The following NAALADL2 variants were observed in gnomAD, a reference collection of about 807,000 sequenced individuals.
The protein encoded by NAALADL2 is inactive N-acetylated-alpha-linked acidic dipeptidase-like protein 2.
NAALADL2 carries 76 observed loss-of-function variants against 87.2 expected under a neutral mutation model. The ratio of observed to expected loss-of-function variants is 0.87; its 90% CI spans 0.72 to 1.05. NAALADL2 has a LOEUF of 1.05. Among genes scored for constraint, NAALADL2 ranks in the 50% least tolerant of loss-of-function variants. The pLI is 0.00. For synonymous variants in NAALADL2, 354 were observed against 331.0 expected (o/e 1.07, Z -0.75); for missense variants, 1,089 against 945.8 (o/e 1.15, Z -1.99).
intron 1 of NAALADL2, among the ~76,000 whole-genome samples, chr3:175,066,979 T>C (rs1197650451): frequency 1.3e-5 from 2 of 152,176 alleles, no homozygotes; most frequent in Non-Finnish European, 2.9e-5. Context: ...TTCCCTTTGA[T>C]TTTTAAAGTT....
intron 5 of NAALADL2, among the ~76,000 whole-genome samples, chr3:175,356,093 C>T (rs535774106): frequency 4.6e-5 from 7 of 152,116 alleles, no homozygotes; most frequent in African/African-American, 1.2e-4. Context: ...CCTTGGAAAC[C>T]GAGGAAGAAG....
intron 1 of NAALADL2, among the ~76,000 whole-genome samples, chr3:174,883,454 G>A (rs1038250489): frequency 1.3e-5 from 2 of 152,004 alleles, no homozygotes; most frequent in Admixed American, 6.6e-5. Context: ...TCATACAAGC[G>A]GAAATGCACT....
chr3:175,200,386 C>A (rs904044081), intron 2 of NAALADL2, among the ~76,000 whole-genome samples: 1 of 152,002 alleles, frequency 6.6e-6, no homozygotes, highest in Non-Finnish European at 1.5e-5. Context: ...TTAAGCAATC[C>A]TGTTATTTTT....
intron 2 of NAALADL2, among the ~76,000 whole-genome samples, chr3:174,637,862 T>C (rs1253805066): frequency 6.6e-6 from 1 of 152,160 alleles, no homozygotes; most frequent in Non-Finnish European, 1.5e-5. Flanking sequence ...CTTTATTTTT[T>C]TTCAAGTCAT....
chr3:175,204,385 A>G (rs1224452527), intron 2 of NAALADL2, among the ~76,000 whole-genome samples: 2 of 152,202 alleles, frequency 1.3e-5, no homozygotes, highest in Non-Finnish European at 2.9e-5. Context: ...TACATTCACA[A>G]TATCCAGCAT....
chr3:174,570,669 C>T (rs1714826548), intron 2 of NAALADL2, among the ~76,000 whole-genome samples: 3 of 152,118 alleles, frequency 2.0e-5, no homozygotes, highest in African/African-American at 7.2e-5. Flanking sequence ...TAAGTAGGAT[C>T]CCTTGTATTT....
At chr3:175,219,262 T>C (rs1742986443) in intron 2 of NAALADL2, among the ~76,000 whole-genome samples, 1 of 152,142 alleles carries the variant, frequency 6.6e-6, no homozygotes, top group African/African-American at 2.4e-5. Flanking sequence ...AGTATGTCAT[T>C]GTGTTTTTAA....
chr3:174,467,255 A>T (rs958529850), intron 1 of NAALADL2, among the ~76,000 whole-genome samples: 2 of 152,168 alleles, frequency 1.3e-5, no homozygotes, highest in African/African-American at 2.4e-5. Context: ...GTGAGATATG[A>T]TGGATTTATA....
At chr3:174,457,401 T>C (rs1715913676) in intron 1 of NAALADL2, among the ~76,000 whole-genome samples, 1 of 152,180 alleles carries the variant, frequency 6.6e-6, no homozygotes, top group African/African-American at 2.4e-5. Context: ...GACACATGCA[T>C]GTGTCAATTG....
intron 3 of NAALADL2, among the ~76,000 whole-genome samples, chr3:174,764,829 A>G (rs1713554616): frequency 6.6e-6 from 1 of 152,104 alleles, no homozygotes; most frequent in South Asian, 2.1e-4. Flanking sequence ...AATAAGACAA[A>G]TCATTAAACA....
At chr3:174,819,051 A>ATTTT (rs1560255249) in intron 3 of NAALADL2, among the ~76,000 whole-genome samples, 10 of 85,950 alleles carry the variant, frequency 1.2e-4, no homozygotes, top group African/African-American at 3.8e-4. Flanking sequence ...TTATTATACC[A>ATTTT]TTTATTCTTT....
intron 2 of NAALADL2, among the ~76,000 whole-genome samples, chr3:175,200,915 C>T (rs1320540348): frequency 6.6e-6 from 1 of 152,082 alleles, no homozygotes; most frequent in African/African-American, 2.4e-5. Flanking sequence ...CTTTCCATAT[C>T]CCTGCACTCC....
At chr3:175,320,255 TAAAATA>T (rs1759675523) in intron 4 of NAALADL2, among the ~76,000 whole-genome samples, 1 of 152,210 alleles carries the variant, frequency 6.6e-6, no homozygotes, top group African/African-American at 2.4e-5. Flanking sequence ...TTTAAAGAGT[TAAAATA>T]AAAAGAAACT....
Position 175,251,742 on chromosome 3 carries a change from G to A in NAALADL2, c.820-4669G>A, listed in dbSNP as rs146487454. ...ATTCAATGTGCTTTCCTGCAGCTGT[G>A]ATGTTCAGTTTGCTTGAAAGTCTAT... On this transcript the variant is annotated intron_variant, in intron 3 of 13. Transcript: ENST00000454872. 3.4e-3 allele frequency among the ~76,000 whole-genome samples: 525 copies of A among 152,280 alleles called. 5 individuals carry two copies. Among genetic ancestry groups the A allele is most frequent in the African/African-American group, 0.012 (500 of 41,556 alleles).
chr3:175,566,118 C>T (rs1479439756), intron 9 of NAALADL2, among the ~76,000 whole-genome samples: 1 of 152,152 alleles, frequency 6.6e-6, no homozygotes, highest in Non-Finnish European at 1.5e-5. Context: ...GTGTGAGCCT[C>T]TGTGCCTGGC....
intron 3 of NAALADL2, among the ~76,000 whole-genome samples, chr3:175,246,371 AATT>A (rs1224398643): frequency 6.6e-6 from 1 of 152,162 alleles, no homozygotes; most frequent in African/African-American, 2.4e-5. Context: ...TTGAGTAGAA[AATT>A]ACTGTTTTAG....
chr3:174,669,625 A>G (rs905502710), intron 2 of NAALADL2, among the ~76,000 whole-genome samples: 4 of 151,964 alleles, frequency 2.6e-5, no homozygotes, highest in Non-Finnish European at 5.9e-5. Flanking sequence ...CCAGTACCAC[A>G]TTGTTTTGAG....
At chr3:174,503,767 A>G (rs1221469485) in intron 1 of NAALADL2, among the ~76,000 whole-genome samples, 1 of 152,158 alleles carries the variant, frequency 6.6e-6, no homozygotes, top group African/African-American at 2.4e-5. Context: ...GAAGAACAAT[A>G]TAGACTTCCT....
intron 1 of NAALADL2, among the ~76,000 whole-genome samples, chr3:174,496,713 G>A (rs138859974): frequency 6.6e-6 from 1 of 151,868 alleles, no homozygotes; most frequent in East Asian, 1.9e-4. Context: ...TATTCTGATG[G>A]GTACTGAAAT....
Sources: gnomAD v4.1 joint callset for allele counts (sites outside exome capture counted in the v4.1 genomes callset) on GRCh38, gnomAD v4.1.1 for gene constraint, MANE v1.5 for transcripts, NCBI Gene and HGNC (gene_info 2026-07-23, HGNC 2026-07-21) for gene names.